The following ZNF415 variants were observed in gnomAD, a reference collection of about 807,000 sequenced individuals.
The protein encoded by ZNF415 is zinc finger protein 415.
ZNF415 carries 5 observed loss-of-function variants against 7.3 expected under a neutral mutation model. The ratio of observed to expected loss-of-function variants is 0.69; its 90% CI spans 0.36 to 1.44. The LOEUF is 1.44. ZNF415 is among the 40% of genes most tolerant of loss of function. The pLI is 0.04. For synonymous variants in ZNF415, 207 were observed against 226.3 expected (o/e 0.91, Z 0.77); for missense variants, 628 against 664.8 (o/e 0.94, Z 0.61).
intron 2 of ZNF415, among the ~76,000 whole-genome samples, chr19:53,116,647 G>A (rs1419021327): frequency 1.5e-5 from 2 of 136,548 alleles, no homozygotes; most frequent in Non-Finnish European, 3.0e-5. Context: ...ACAAGGTCTC[G>A]CTCTGCTGCC....
At position 53,116,407 on chromosome 19, in the gene ZNF415, T is replaced by A; in HGVS notation, c.42A>T (p.Glu14Asp). Residue 14 changes from glutamate (E) to aspartate (D), a missense_variant, in exon 3 of 4, where the codon GAA becomes GAT. Glu to Asp is a conservative substitution (Grantham distance 45). Transcript: ENST00000243643. ...GGCATTTCCACTCATCTTGAGAGAA[T>A]TCGATGGCCACGTCCCTGAATGTCA... ...TQLTFRDVAI[E>D]FSQDEWKCLN... 1 of 1,614,140 alleles carries A rather than the reference T, an allele frequency of 6.2e-7. No individual in the cohort carries two copies. Among genetic ancestry groups the A allele is most frequent in the South Asian group, 1.1e-5 (1 of 91,076 alleles).
chr19:53,111,664 C>G (rs748581092), intron 3 of ZNF415, among the ~76,000 whole-genome samples: 1 of 151,946 alleles, frequency 6.6e-6, no homozygotes, highest in Non-Finnish European at 1.5e-5. Flanking sequence ...TTTCTTATGG[C>G]ACGATGAGTT....
intron 2 of ZNF415, among the ~76,000 whole-genome samples, chr19:53,121,536 T>C (rs2146478606): frequency 6.6e-6 from 1 of 152,146 alleles, no homozygotes; most frequent in East Asian, 2.0e-4. Flanking sequence ...CAAGTGATTC[T>C]CCTACCTCAG....
chr19:53,109,176 T>G lies in ZNF415; in HGVS notation c.869A>C (p.His290Pro). 6.2e-6 allele frequency: 10 copies of G among 1,614,136 alleles called. No individual in the cohort carries two copies. Among genetic ancestry groups the G allele is most frequent in the Admixed American group, 1.7e-5 (1 of 60,026 alleles). Residue 290 changes from histidine (H) to proline (P), a missense_variant, in exon 4 of 4, where the codon CAT (histidine) becomes CCT (proline). Physicochemically the swap from His to Pro is moderately conservative, Grantham distance 77 (BLOSUM62 -2). Transcript: ENST00000243643. Reference protein sequence around the residue: ...SFSRNSCLALHRRVHTGEKPY... With the variant: ...SFSRNSCLALPRRVHTGEKPY... ...TTTCTCTCCAGTGTGAACTCTCCGA[T>G]GTAGTGCAAGGCATGAGTTGCGACT...
chr19:53,122,877 G>A (rs1601228933), intron 1 of ZNF415, 134 bp from the exon 2 acceptor site: 8 of 637,526 alleles, frequency 1.3e-5, no homozygotes, highest in African/African-American at 1.1e-4. Flanking sequence ...CACCAGGGTG[G>A]CCCCAGGGAC....
intron 3 of ZNF415, among the ~76,000 whole-genome samples, chr19:53,112,064 C>G (rs2086312416): frequency 6.6e-6 from 1 of 152,084 alleles, no homozygotes; most frequent in Non-Finnish European, 1.5e-5. Context: ...GGCTCAGCCT[C>G]CTGAGTAGCT....
chr19:53,108,552 C>A lies in ZNF415; in HGVS notation c.1493G>T (p.Cys498Phe). The A allele has an allele frequency of 1.2e-6, 2 of 1,614,086 alleles. No individual in the cohort carries two copies. The highest frequency in any genetic ancestry group is 1.6e-4 in the Middle Eastern group (1 of 6,062). ...VIHTGEKPYK[C>F]NECGKSFSVR... ...ACTAAAGGATTTGCCACACTCATTA[C>A]ATTTGTAAGGTTTTTCTCCAGTATG... The change falls in exon 4 of 4, where the codon TGT becomes TTT. Residue 498 changes from cysteine to phenylalanine, a missense_variant. By Grantham distance (205) the Cys-to-Phe change is radical. Transcript: ENST00000243643.
rs528686752 is a variant in ZNF415 at position 53,114,513 on chromosome 19, C to A, written c.136+1800G>T. 7.9e-5 allele frequency among the ~76,000 whole-genome samples: 12 copies of A among 152,244 alleles called. No individual in the cohort carries two copies. The South Asian group carries it at 1.7e-3, about 21-fold the overall frequency. On this transcript the variant is annotated intron_variant, in intron 3 of 3. Transcript: ENST00000243643. ...AAAATCATGCAAACTTAAGAGAAAA[C>A]AAAATCAGGAAGAGCCAAGGTTTTT... is the stretch of plus-strand genomic sequence containing the variant.
At chr19:53,122,105 T>G (rs1467408119) in intron 2 of ZNF415, among the ~76,000 whole-genome samples, 4 of 151,684 alleles carry the variant, frequency 2.6e-5, no homozygotes, top group African/African-American at 9.7e-5. Flanking sequence ...AATTAGCTGG[T>G]TGTGGTGGTG....
At position 53,108,645 on chromosome 19, in the gene ZNF415, G is replaced by C; in HGVS notation, c.1400C>G (p.Pro467Arg). The change falls in exon 4 of 4, where the codon CCT becomes CGT. Residue 467 changes from proline (P) to arginine (R), a missense_variant. Pro to Arg is a moderately radical substitution (Grantham distance 103). Transcript: ENST00000243643. ...THQVIHTGEK[P>R]YKCNQCGKGF... ...TTTGCCACATTGATTACATTTGTAAGGCTTCTCTCCAGTATGGATGACCTG... is the reference window on the plus strand; with the variant it reads ...TTTGCCACATTGATTACATTTGTAACGCTTCTCTCCAGTATGGATGACCTG... The C allele has an allele frequency of 6.2e-7, 1 of 1,614,168 alleles. No individual in the cohort carries two copies. The highest frequency in any genetic ancestry group is 1.7e-5 in the Admixed American group (1 of 60,010).
At chr19:53,116,100 T>C in intron 3 of ZNF415, 1 of 635,916 alleles carries the variant, frequency 1.6e-6, no homozygotes, top group Non-Finnish European at 2.7e-6. Context: ...ATACTTCAGC[T>C]CTGGAACCAC....
In ZNF415 at chr19:53,122,650, A is replaced by C; in HGVS notation, c.15+12T>G. 6.2e-7 allele frequency: 1 copy of C among 1,614,094 alleles called. No individual in the cohort carries two copies. Among genetic ancestry groups the C allele is most frequent in the Non-Finnish European group, 8.5e-7 (1 of 1,180,008 alleles). ...AGGGAGACAGAATGATCCACACAGA[A>C]TCTTTCTTTACCTGAGTAAAAGCCA... On this transcript the variant is annotated intron_variant, in intron 2 of 3. Transcript: ENST00000243643.
At chr19:53,113,628 G>A (rs1052488256) in intron 3 of ZNF415, among the ~76,000 whole-genome samples, 36 of 151,856 alleles carry the variant, frequency 2.4e-4, no homozygotes, top group Admixed American at 5.9e-4. Flanking sequence ...CAAGAGGGAG[G>A]TTTGAACCTA....
chr19:53,110,219 A>C (rs2086036905), intron 3 of ZNF415, among the ~76,000 whole-genome samples: 1 of 152,176 alleles, frequency 6.6e-6, no homozygotes, highest in South Asian at 2.1e-4. Context: ...GTACACACCA[A>C]TTGGCAGAAA....
At chr19:53,124,165 A>G (rs7246166) in intron 1 of ZNF415, 132,419 of 151,838 alleles carry the variant, frequency 0.87, 57,807 homozygotes, top group Middle Eastern at 0.94. Context: ...GCTTGAACCC[A>G]GAGGGCAGAG....
At position 53,108,637 on chromosome 19, in the gene ZNF415, AT is replaced by A. The variant is rs776328721; in HGVS notation, c.1407del (p.Lys469AsnfsTer15). 1.2e-6 allele frequency: 2 copies of A among 1,614,178 alleles called. No homozygotes were observed. Among genetic ancestry groups the A allele is most frequent in the Non-Finnish European group, 1.7e-6 (2 of 1,180,034 alleles). On this transcript the variant is annotated frameshift_variant, in exon 4 of 4. Transcript: ENST00000243643. LOFTEE classifies it low-confidence loss of function (END_TRUNC). ...QVIHTGEKPYKCNQCGKGFSV... is the reference protein window; with the variant it reads ...QVIHTGEKPYXCNQCGKGFSV... The stretch of plus-strand genomic sequence containing the variant: ...CTGAAGCCTTTGCCACATTGATTAC[AT>A]TTGTAAGGCTTCTCTCCAGTATGGA...
chr19:53,122,402 A>G, intron 2 of ZNF415: 1 of 1,536,336 alleles, frequency 6.5e-7, no homozygotes, highest in Non-Finnish European at 8.7e-7. Context: ...CGGGACCCTC[A>G]CCCCGTCTCC....
intron 2 of ZNF415, among the ~76,000 whole-genome samples, chr19:53,118,217 C>T (rs1256836988): frequency 6.6e-6 from 1 of 151,982 alleles, no homozygotes; most frequent in Admixed American, 6.6e-5. Flanking sequence ...TGAAAAAGGT[C>T]ATTATATACT....
chr19:53,132,577 G>A (rs2090233016), intron 1 of ZNF415, among the ~76,000 whole-genome samples: 2 of 152,244 alleles, frequency 1.3e-5, no homozygotes, highest in Admixed American at 1.3e-4. Context: ...ACCCAGGACG[G>A]GAATACACCT....
Sources: allele counts gnomAD v4.1 joint callset (sites outside exome capture counted in the v4.1 genomes callset), GRCh38; gene constraint gnomAD v4.1.1; transcripts MANE v1.5; gene names NCBI Gene and HGNC (gene_info 2026-07-23, HGNC 2026-07-21).